RIN3: variants seen among roughly 807,000 people sequenced by gnomAD.
RIN3 encodes Ras and Rab interactor 3.
Under a neutral mutation model 76.3 loss-of-function variants are expected in RIN3, and 54 were observed. That is an observed-to-expected ratio of 0.71 (90% CI 0.57 to 0.89). RIN3 has a LOEUF of 0.89. Among genes scored for constraint, RIN3 ranks in the 40% least tolerant of loss-of-function variants. The pLI, the probability that RIN3 is intolerant of heterozygous loss-of-function variation, is 0.00. For synonymous variants in RIN3, 576 were observed against 564.0 expected (o/e 1.02, Z -0.30); for missense variants, 1,256 against 1,322.1 (o/e 0.95, Z 0.78).
In RIN3 at chr14:92,525,875, A is replaced by G. The variant is rs190054565; in HGVS notation, c.44+11899A>G. 1.4e-4 allele frequency among the ~76,000 whole-genome samples: 21 copies of G among 152,212 alleles called. No homozygotes were observed. In the East Asian group the frequency reaches 4.1e-3, roughly 29 times the overall value. On this transcript the variant is annotated intron_variant, in intron 1 of 9. Transcript: ENST00000216487. ...CAGTGCTGTGGCCACAGGGTGCAGG[A>G]TGGTCCTATGGAGTGCCGGGGGTCC...
intron 7 of RIN3, among the ~76,000 whole-genome samples, chr14:92,665,504 G>C (rs12890220): frequency 0.29 from 43,174 of 149,312 alleles, 6,749 homozygotes; most frequent in East Asian, 0.43. Flanking sequence ...TCAGCCTCCT[G>C]ATTAGCTGGG....
intron 1 of RIN3, among the ~76,000 whole-genome samples, chr14:92,523,686 A>G (rs1375146256): frequency 6.6e-6 from 1 of 152,130 alleles, no homozygotes; most frequent in Non-Finnish European, 1.5e-5. Flanking sequence ...AGTGTTTATG[A>G]GTTTTAGATT....
chr14:92,661,066 G>A (rs12896830), intron 7 of RIN3, among the ~76,000 whole-genome samples: 118,857 of 152,164 alleles, frequency 0.78, 46,879 homozygotes, highest in Non-Finnish European at 0.83. Flanking sequence ...CAATTTCCTC[G>A]CCTGAGGAAG....
Position 92,649,720 on chromosome 14 carries a change from C to T in RIN3, c.533-1862C>T, listed in dbSNP as rs566933806. 2.6e-5 allele frequency among the ~76,000 whole-genome samples: 4 copies of T among 152,328 alleles called. No individual in the cohort carries two copies. In the East Asian group the frequency reaches 5.8e-4, roughly 22 times the overall value. On this transcript the variant is annotated intron_variant, in intron 5 of 9. Transcript: ENST00000216487. ...CCCTGGGAGAGGCCGCTCTGGATAC[C>T]ATGTCCTCGGTGACTGTGATGGGCA... is the stretch of plus-strand genomic sequence containing the variant.
At chr14:92,586,792 C>T (rs898444404) in intron 3 of RIN3, among the ~76,000 whole-genome samples, 2 of 152,146 alleles carry the variant, frequency 1.3e-5, no homozygotes, top group African/African-American at 2.4e-5. Flanking sequence ...AAATACAAGT[C>T]GTTCGAACTG....
chr14:92,610,763 A>G (rs568331479), intron 3 of RIN3, among the ~76,000 whole-genome samples: 12 of 152,254 alleles, frequency 7.9e-5, no homozygotes, highest in African/African-American at 2.6e-4. Context: ...GGAACAGGAG[A>G]TAGGGAAGAA....
intron 2 of RIN3, among the ~76,000 whole-genome samples, chr14:92,570,291 G>A (rs1174835196): frequency 3.3e-5 from 5 of 151,636 alleles, no homozygotes; most frequent in Non-Finnish European, 7.4e-5. Context: ...GGAAGGCCCT[G>A]GGGGCACCCC....
At chr14:92,682,594 TGGGTTCCAGGCAGAAGGAA>T (rs1332300352) in intron 8 of RIN3, among the ~76,000 whole-genome samples, 1 of 152,168 alleles carries the variant, frequency 6.6e-6, no homozygotes, top group Non-Finnish European at 1.5e-5. Context: ...GTAATGCGTC[TGGGTTCCAGGCAGAAGGAA>T]GGGTGACAGG....
Position 92,568,208 on chromosome 14 carries a change from G to T in RIN3, c.250-9152G>T, listed in dbSNP as rs921646989. Among the ~76,000 whole-genome samples the T allele has an allele frequency of 2.6e-5, 4 of 152,160 alleles. No homozygotes were observed. The highest frequency in any genetic ancestry group is 4.4e-5 in the Non-Finnish European group (3 of 68,046). The stretch of plus-strand genomic sequence containing the variant: ...AAACCCCAAAGGTGTTGGAGAAAGG[G>T]CTCTGGGTGGTCCTTCGGCTCCCCA... On this transcript the variant is annotated intron_variant, in intron 2 of 9. Coordinates refer to ENST00000216487, the MANE Select transcript of RIN3 (RefSeq NM_024832.5). The surrounding 1 kb of genome is among the most constrained non-coding windows in gnomAD (Gnocchi z 4.2).
At chr14:92,545,790 T>C (rs1232941974) in intron 1 of RIN3, among the ~76,000 whole-genome samples, 1 of 152,076 alleles carries the variant, frequency 6.6e-6, no homozygotes, top group Non-Finnish European at 1.5e-5. Flanking sequence ...GCAGACATTT[T>C]ATCTCTTTAC....
At chr14:92,532,846 G>A (rs1455188572) in intron 1 of RIN3, among the ~76,000 whole-genome samples, 1 of 152,232 alleles carries the variant, frequency 6.6e-6, no homozygotes, top group Non-Finnish European at 1.5e-5. Flanking sequence ...CCAAAGGGAA[G>A]TGGGCATGGG....
chr14:92,546,376 G>A (rs530712122), intron 1 of RIN3, among the ~76,000 whole-genome samples: 4 of 152,248 alleles, frequency 2.6e-5, no homozygotes, highest in African/African-American at 9.6e-5. Flanking sequence ...GGGAACATTC[G>A]AACTATTCTC....
At chr14:92,572,791 AG>A (rs911087703) in intron 2 of RIN3, among the ~76,000 whole-genome samples, 3 of 151,068 alleles carry the variant, frequency 2.0e-5, no homozygotes. Flanking sequence ...GCCAGGTCCA[AG>A]GGAGATAGGC....
intron 1 of RIN3, among the ~76,000 whole-genome samples, chr14:92,544,358 G>A (rs945654373): frequency 1.5e-5 from 2 of 133,984 alleles, no homozygotes; most frequent in East Asian, 2.3e-4. Context: ...GGCATCAGCT[G>A]TTCTTTGTCT....
chr14:92,563,428 G>T (rs991868009), intron 2 of RIN3, among the ~76,000 whole-genome samples: 1 of 152,050 alleles, frequency 6.6e-6, no homozygotes, highest in Non-Finnish European at 1.5e-5. Context: ...AGGGAAAAAG[G>T]CACAATCATC....
intron 1 of RIN3, among the ~76,000 whole-genome samples, chr14:92,544,340 T>C (rs1204883250): frequency 1.4e-5 from 2 of 148,046 alleles, no homozygotes; most frequent in South Asian, 2.1e-4. Flanking sequence ...CAGAGTTAGA[T>C]GTCCTCTGGC....
intron 1 of RIN3, among the ~76,000 whole-genome samples, chr14:92,533,081 C>G (rs888588394): frequency 3.9e-5 from 6 of 152,210 alleles, no homozygotes; most frequent in African/African-American, 1.4e-4. Flanking sequence ...TAACAACACT[C>G]AACATGCATA....
At chr14:92,533,716 G>A (rs539115039) in intron 1 of RIN3, among the ~76,000 whole-genome samples, 1 of 152,276 alleles carries the variant, frequency 6.6e-6, no homozygotes, top group South Asian at 2.1e-4. Flanking sequence ...GGGACTTAGG[G>A]GAAAGGGTGG....
At chr14:92,535,285 C>T (rs1411969176) in intron 1 of RIN3, among the ~76,000 whole-genome samples, 1 of 151,720 alleles carries the variant, frequency 6.6e-6, no homozygotes, top group Non-Finnish European at 1.5e-5. Context: ...AAAATATCTT[C>T]TCCCACTCAG....
Sources: allele counts gnomAD v4.1 joint callset (sites outside exome capture counted in the v4.1 genomes callset), GRCh38; gene constraint gnomAD v4.1.1; non-coding constraint Gnocchi (gnomAD v3.1); transcripts MANE v1.5; gene names NCBI Gene and HGNC (gene_info 2026-07-23, HGNC 2026-07-21).